The following KCNH5 variants were observed in gnomAD, a reference collection of about 807,000 sequenced individuals.
KCNH5 encodes potassium voltage-gated channel subfamily H member 5.
A neutral mutation model predicts 96.1 loss-of-function variants in KCNH5; 46 were observed. That is an observed-to-expected ratio of 0.48 (90% confidence interval 0.38 to 0.61). The LOEUF is 0.61. Among genes scored for constraint, KCNH5 ranks in the 20% least tolerant of loss-of-function variants. The pLI is 0.00. For missense variants in KCNH5, 907 were observed against 1,225.8 expected, an observed-to-expected ratio of 0.74 and a Z score of 3.88; for synonymous variants, 439 against 449.8, an observed-to-expected ratio of 0.98 and a Z score of 0.30.
chr14:62,745,422 G>A (rs1885356133), intron 10 of KCNH5, among the ~76,000 whole-genome samples: 1 of 152,058 alleles, frequency 6.6e-6, no homozygotes, highest in African/African-American at 2.4e-5. Context: ...AACAAAAACT[G>A]GAATTTGTCA....
At chr14:62,742,755 C>T (rs1885297393) in intron 10 of KCNH5, among the ~76,000 whole-genome samples, 1 of 152,042 alleles carries the variant, frequency 6.6e-6, no homozygotes, top group Admixed American at 6.6e-5. Flanking sequence ...TGCCATGGCG[C>T]CATTAATTTG....
chr14:62,739,339 G>T (rs1162719262), intron 10 of KCNH5, among the ~76,000 whole-genome samples: 1 of 152,154 alleles, frequency 6.6e-6, no homozygotes, highest in Non-Finnish European at 1.5e-5. Context: ...AAAATATTTA[G>T]ATCTTATTTA....
rs182680777 is a variant in KCNH5, at chr14:62,725,117, C to T, written c.2020-16662G>A. 1.7e-3 allele frequency among the ~76,000 whole-genome samples: 259 copies of T among 152,232 alleles called. 2 individuals are homozygous for T. The highest frequency in any genetic ancestry group is 6.1e-3 in the African/African-American group (253 of 41,544). On this transcript the variant is annotated intron_variant, in intron 10 of 10. Coordinates refer to ENST00000322893, the MANE Select transcript of KCNH5 (RefSeq NM_139318.5). ...TTTATATAATTGTTACCAAATCCAA[C>T]GTTTAAAAAACACATATGTATCTGT...
intron 10 of KCNH5, among the ~76,000 whole-genome samples, chr14:62,769,767 A>AT (rs939052935): frequency 1.3e-5 from 2 of 152,246 alleles, no homozygotes; most frequent in Admixed American, 1.3e-4. Flanking sequence ...AGCGTGACAG[A>AT]TTCACGTTTC....
intron 3 of KCNH5, among the ~76,000 whole-genome samples, chr14:63,004,805 C>T (rs1310848907): frequency 6.6e-6 from 1 of 152,076 alleles, no homozygotes; most frequent in Non-Finnish European, 1.5e-5. Flanking sequence ...CTTGCTATGT[C>T]ACCTAGGCTT....
intron 10 of KCNH5, among the ~76,000 whole-genome samples, chr14:62,710,209 T>G (rs1037688162): frequency 3.3e-5 from 5 of 152,246 alleles, no homozygotes; most frequent in Non-Finnish European, 7.3e-5. Flanking sequence ...GTACATTTTC[T>G]AAAATGAGAT....
At chr14:63,028,025 T>C (rs1265121627) in intron 1 of KCNH5, among the ~76,000 whole-genome samples, 1 of 152,096 alleles carries the variant, frequency 6.6e-6, no homozygotes, top group Non-Finnish European at 1.5e-5. Context: ...CAAGACCTGT[T>C]AAATCAATTT....
chr14:62,838,968 G>C (rs1464005121), intron 8 of KCNH5, among the ~76,000 whole-genome samples: 1 of 151,882 alleles, frequency 6.6e-6, no homozygotes, highest in Non-Finnish European at 1.5e-5. Context: ...TGATACTTTA[G>C]AAGAAATAAG....
intron 2 of KCNH5, among the ~76,000 whole-genome samples, chr14:63,012,454 T>G (rs1222844125): frequency 2.6e-5 from 4 of 152,168 alleles, no homozygotes. Flanking sequence ...GAATCCTCAC[T>G]AATGGCTGCT....
chr14:63,045,281 A>G lies in KCNH5; in HGVS notation c.-95T>C. 1 of 1,022,370 alleles carries G rather than the reference A, an allele frequency of 9.8e-7. No individual in the cohort carries two copies. The highest frequency in any genetic ancestry group is 2.4e-5 in the East Asian group (1 of 41,488). 63.3% of individuals were successfully genotyped at this position (1,022,370 alleles called of 1,614,324 possible). On this transcript the variant is annotated 5_prime_UTR_variant, in exon 1 of 11. Transcript: ENST00000322893. ...GAAGAGGAGGAAAAGGTGGAAGAGA[A>G]GATTGAGCCGAAAGAAGAGGGGGCG... is the stretch of plus-strand genomic sequence containing the variant.
chr14:62,950,209 T>C lies in KCNH5; in HGVS notation c.1293A>G (p.Thr431=). ...GAGCTATGTTTCCAAATCCTATGGTTGTAAGGCTTGTCATGGTAAAGTAGA... is the reference window on the plus strand; with the variant it reads ...GAGCTATGTTTCCAAATCCTATGGTCGTAAGGCTTGTCATGGTAAAGTAGA... ...SSLYFTMTSL[T]TIGFGNIAPT... The change falls in exon 7 of 11, where the codon ACA becomes ACG. Residue 431 remains threonine, a synonymous_variant. Transcript: ENST00000322893. The C allele has an allele frequency of 6.2e-7, 1 of 1,613,930 alleles. No homozygotes were observed. The highest frequency in any genetic ancestry group is 1.1e-5 in the South Asian group (1 of 91,068).
rs1306077655 is a variant in KCNH5, at chr14:62,853,481, C to CATATATATATAT, written c.1370-3641_1370-3630dup. ...CATATATATATATATATATATATAT[C>CATATATATATAT]ATATATATATATAATCTTGGCCACA... On this transcript the variant is annotated intron_variant, in intron 7 of 10. Coordinates refer to ENST00000322893, the MANE Select transcript of KCNH5 (RefSeq NM_139318.5). 4.4e-4 allele frequency among the ~76,000 whole-genome samples: 18 copies of CATATATATATAT among 41,334 alleles called. No individual in the cohort carries two copies. The South Asian group carries it at 0.019, about 44-fold the overall frequency. The allele number at this position is 41,334 out of a possible 152,430, so 27.1% of individuals were successfully genotyped here.
intron 10 of KCNH5, among the ~76,000 whole-genome samples, chr14:62,729,186 TCTAA>T (rs1181669097): frequency 1.3e-5 from 2 of 152,198 alleles, no homozygotes; most frequent in Non-Finnish European, 2.9e-5. Flanking sequence ...TCTTCCTGAT[TCTAA>T]CTGTCAGAGT....
intron 10 of KCNH5, among the ~76,000 whole-genome samples, chr14:62,734,137 C>T (rs758773795): frequency 6.6e-6 from 1 of 152,096 alleles, no homozygotes; most frequent in Non-Finnish European, 1.5e-5. Context: ...AATCTGAAGT[C>T]TAAGCTATCC....
chr14:62,890,466 C>T (rs187171209), intron 7 of KCNH5, among the ~76,000 whole-genome samples: 17 of 151,796 alleles, frequency 1.1e-4, no homozygotes, highest in Admixed American at 4.6e-4. Context: ...GAGGCCGAGG[C>T]GGGCGGATCA....
At chr14:62,912,821 TAGAA>T (rs748161202) in intron 7 of KCNH5, among the ~76,000 whole-genome samples, 1 of 152,220 alleles carries the variant, frequency 6.6e-6, no homozygotes, top group Admixed American at 6.5e-5. Context: ...AAAATGAAGA[TAGAA>T]AGCTTCAACT....
intron 4 of KCNH5, among the ~76,000 whole-genome samples, chr14:62,990,664 G>A (rs1031972389): frequency 3.9e-5 from 6 of 152,156 alleles, no homozygotes; most frequent in African/African-American, 1.2e-4. Flanking sequence ...AAAGGGAAGT[G>A]ACTGCATCGT....
intron 7 of KCNH5, among the ~76,000 whole-genome samples, chr14:62,905,426 T>A (rs1228985133): frequency 6.6e-6 from 1 of 152,142 alleles, no homozygotes; most frequent in East Asian, 1.9e-4. Context: ...AACTATAAGA[T>A]AAAAGTTTGG....
At chr14:62,843,512 A>C (rs2140039400) in intron 8 of KCNH5, among the ~76,000 whole-genome samples, 2 of 150,996 alleles carry the variant, frequency 1.3e-5, no homozygotes, top group Admixed American at 1.3e-4. Context: ...CCCGGGTTCA[A>C]GCAATTCTCC....
Sources: allele counts gnomAD v4.1 joint callset (sites outside exome capture counted in the v4.1 genomes callset), GRCh38; gene constraint gnomAD v4.1.1; transcripts MANE v1.5; gene names NCBI Gene and HGNC (gene_info 2026-07-23, HGNC 2026-07-21).